Variants in ZNF148 observed in about 807,000 individuals in gnomAD.
ZNF148 encodes the protein Beta-Enolase Repressor Factor-1.
ZNF148 carries 7 observed loss-of-function variants against 67.7 expected under a neutral mutation model. The observed-to-expected ratio is 0.10, with a 90% CI of 0.06 to 0.19. The LOEUF (loss-of-function observed/expected upper bound fraction) is 0.19, where lower values mean the gene tolerates loss of function less well. ZNF148 is among the 10% of genes least tolerant of loss of function. ZNF148 has a pLI of 1.00. For synonymous variants in ZNF148, 333 were observed against 330.7 expected, an observed-to-expected ratio of 1.01 and a Z score of -0.08; for missense variants, 583 against 947.1, an observed-to-expected ratio of 0.62 and a Z score of 5.05.
chr3:125,330,003 C>T (rs1307392889), intron 2 of ZNF148, among the ~76,000 whole-genome samples: 3 of 151,958 alleles, frequency 2.0e-5, no homozygotes, highest in South Asian at 2.1e-4. Context: ...AGCCTTTTTT[C>T]GATGTTATAA....
At chr3:125,323,545 C>A in intron 2 of ZNF148, 101 bp from the exon 3 acceptor site, 2 of 503,534 alleles carry the variant, frequency 4.0e-6, no homozygotes, top group East Asian at 6.4e-5. Context: ...AGTGAAAATT[C>A]TTTCTAAATA....
intron 1 of ZNF148, among the ~76,000 whole-genome samples, chr3:125,352,106 C>T (rs1325434722): frequency 6.9e-6 from 1 of 144,034 alleles, no homozygotes; most frequent in African/African-American, 2.6e-5. Context: ...ACGTTCACAG[C>T]AGCATTATTC....
chr3:125,284,606 A>G (rs1192445315), intron 5 of ZNF148, among the ~76,000 whole-genome samples: 1 of 152,206 alleles, frequency 6.6e-6, no homozygotes, highest in Non-Finnish European at 1.5e-5. Context: ...GCTTCAAGAC[A>G]TTAAAAGCTG....
chr3:125,304,651 T>C (rs1263675495), intron 4 of ZNF148, among the ~76,000 whole-genome samples: 2 of 152,186 alleles, frequency 1.3e-5, no homozygotes, highest in Non-Finnish European at 2.9e-5. Context: ...TAGGAACTCA[T>C]GGTTTTCAAT....
chr3:125,301,389 G>A (rs1364805418), intron 4 of ZNF148, among the ~76,000 whole-genome samples: 1 of 152,140 alleles, frequency 6.6e-6, no homozygotes, highest in Admixed American at 6.5e-5. Flanking sequence ...AAAACATAGT[G>A]CCATTGAGCT....
At chr3:125,239,150 C>T (rs553503387) in intron 7 of ZNF148, among the ~76,000 whole-genome samples, 9 of 152,262 alleles carry the variant, frequency 5.9e-5, no homozygotes, top group South Asian at 4.1e-4. Context: ...AGTTTCTATT[C>T]GGTTACACAA....
intron 7 of ZNF148, among the ~76,000 whole-genome samples, chr3:125,266,976 C>A (rs1000686771): frequency 2.0e-5 from 3 of 151,752 alleles, no homozygotes; most frequent in African/African-American, 7.3e-5. Context: ...TATAAACACA[C>A]ACCTCCCAAG....
rs573387672 is a variant in ZNF148, at chr3:125,229,565, C to T, written c.*2776G>A. 3.9e-5 allele frequency: 6 copies of T among 152,210 alleles called. No homozygotes were observed. Among genetic ancestry groups the T allele is most frequent in the East Asian group, 3.9e-4 (2 of 5,178 alleles). The allele number at this position is 152,210 out of a possible 1,614,324, so 9.4% of individuals were successfully genotyped here. ...GTTCAAGAGATACTGCCTCGCCTAA[C>T]GTGATGTTTCCAATCTTCAAACGTG... On this transcript the variant is annotated 3_prime_UTR_variant, in exon 9 of 9. Coordinates refer to ENST00000360647, the MANE Select transcript of ZNF148 (RefSeq NM_021964.3).
At chr3:125,254,308 CA>C (rs1251848836) in intron 7 of ZNF148, among the ~76,000 whole-genome samples, 1 of 152,126 alleles carries the variant, frequency 6.6e-6, no homozygotes, top group Non-Finnish European at 1.5e-5. Flanking sequence ...TCTCTTTTGA[CA>C]AATGTACCTA....
At chr3:125,262,082 T>C (rs1388947923) in intron 7 of ZNF148, among the ~76,000 whole-genome samples, 4 of 152,290 alleles carry the variant, frequency 2.6e-5, no homozygotes, top group East Asian at 3.9e-4. Context: ...TTAAAATCAA[T>C]TGTAAATGTA....
chr3:125,235,624 A>G (rs1936049054), intron 7 of ZNF148, among the ~76,000 whole-genome samples: 1 of 152,142 alleles, frequency 6.6e-6, no homozygotes. Context: ...TCATTGAGTT[A>G]AACTTTTTTT....
chr3:125,259,702 C>T (rs1244679489), intron 7 of ZNF148, among the ~76,000 whole-genome samples: 1 of 152,186 alleles, frequency 6.6e-6, no homozygotes, highest in Non-Finnish European at 1.5e-5. Flanking sequence ...TGGCTCATAC[C>T]TGCAATCTCA....
intron 5 of ZNF148, among the ~76,000 whole-genome samples, chr3:125,280,303 G>C (rs1471331394): frequency 6.6e-6 from 1 of 152,016 alleles, no homozygotes; most frequent in East Asian, 1.9e-4. Flanking sequence ...AGTATTGCAA[G>C]CCTGGTTTGG....
At chr3:125,259,900 G>C (rs1477417730) in intron 7 of ZNF148, among the ~76,000 whole-genome samples, 1 of 152,124 alleles carries the variant, frequency 6.6e-6, no homozygotes, top group Admixed American at 6.5e-5. Context: ...TCTAGCTTTT[G>C]ACTTAAAGTG....
At chr3:125,240,720 C>T (rs1360890422) in intron 7 of ZNF148, among the ~76,000 whole-genome samples, 6 of 150,620 alleles carry the variant, frequency 4.0e-5, no homozygotes, top group Non-Finnish European at 5.9e-5. Flanking sequence ...GCTGTGATTG[C>T]GCCACTGCAT....
chr3:125,302,257 G>A (rs1939631991), intron 4 of ZNF148, among the ~76,000 whole-genome samples: 1 of 150,616 alleles, frequency 6.6e-6, no homozygotes, highest in Non-Finnish European at 1.5e-5. Flanking sequence ...ACACAACTGT[G>A]GTGCCAGCAA....
At chr3:125,367,672 T>C (rs897368371) in intron 1 of ZNF148, among the ~76,000 whole-genome samples, 6 of 152,224 alleles carry the variant, frequency 3.9e-5, no homozygotes, top group Non-Finnish European at 8.8e-5. Flanking sequence ...TCGTGTCTAC[T>C]GGACACATGC....
At chr3:125,269,295 C>T (rs1287881419) in intron 7 of ZNF148, among the ~76,000 whole-genome samples, 1 of 150,600 alleles carries the variant, frequency 6.6e-6, no homozygotes, top group Non-Finnish European at 1.5e-5. Flanking sequence ...GTGGGAGGAT[C>T]GCTTGAGCCC....
chr3:125,226,549 G>A lies in ZNF148; in HGVS notation c.*5792C>T, dbSNP rs989077700. ...AAGATAACTATATGACAATAGTGTT[G>A]AAAGCCGTGAAACTCATTAAACCTC... On this transcript the variant is annotated 3_prime_UTR_variant, in exon 9 of 9. Coordinates refer to ENST00000360647, the MANE Select transcript of ZNF148 (RefSeq NM_021964.3). 1 of 152,526 alleles carries A rather than the reference G, an allele frequency of 6.6e-6. No homozygotes were observed. The highest frequency in any genetic ancestry group is 2.4e-5 in the African/African-American group (1 of 41,412). The allele number at this position is 152,526 out of a possible 1,614,324, so 9.4% of individuals were successfully genotyped here.
Sources: gnomAD v4.1 joint callset for allele counts (sites outside exome capture counted in the v4.1 genomes callset) on GRCh38, gnomAD v4.1.1 for gene constraint, MANE v1.5 for transcripts, NCBI Gene and HGNC (gene_info 2026-07-23, HGNC 2026-07-21) for gene names.